Variants in SIPA1L1 observed in about 807,000 individuals in gnomAD.
The protein encoded by SIPA1L1 is signal-induced proliferation-associated 1-like protein 1.
Under a neutral mutation model 162.7 loss-of-function variants are expected in SIPA1L1, and 26 were observed. That is an observed-to-expected ratio of 0.16 (90% CI 0.12 to 0.22). SIPA1L1 has a LOEUF of 0.22. Among genes scored for constraint, SIPA1L1 ranks in the 10% least tolerant of loss-of-function variants. The pLI is 1.00. For synonymous variants in SIPA1L1, 829 were observed against 837.4 expected (o/e 0.99, Z 0.17); for missense variants, 1,874 against 2,241.0 (o/e 0.84, Z 3.31).
At chr14:71,378,478 T>C (rs1319506742) in intron 2 of SIPA1L1, among the ~76,000 whole-genome samples, 4 of 152,222 alleles carry the variant, frequency 2.6e-5, no homozygotes, top group Non-Finnish European at 5.9e-5. Context: ...AGATATCCTG[T>C]TATTGATTTC....
At chr14:71,520,313 T>C (rs1463650075) in intron 3 of SIPA1L1, among the ~76,000 whole-genome samples, 1 of 152,192 alleles carries the variant, frequency 6.6e-6, no homozygotes, top group African/African-American at 2.4e-5. Context: ...AGAATACAAA[T>C]CAAAATTGTT....
chr14:71,562,243 T>C (rs1330859089), intron 4 of SIPA1L1, among the ~76,000 whole-genome samples: 1 of 152,002 alleles, frequency 6.6e-6, no homozygotes, highest in Non-Finnish European at 1.5e-5. Context: ...CTTTTGTTTA[T>C]TTTTCCCTAA....
chr14:71,431,759 A>G (rs1567015439), intron 2 of SIPA1L1, among the ~76,000 whole-genome samples: 1 of 152,158 alleles, frequency 6.6e-6, no homozygotes, highest in South Asian at 2.1e-4. Flanking sequence ...AATCCTTAAC[A>G]TGAATGAACT....
At chr14:71,545,577 TTG>T (rs58582108) in intron 4 of SIPA1L1, among the ~76,000 whole-genome samples, 2,327 of 148,244 alleles carry the variant, frequency 0.016, 35 homozygotes, top group African/African-American at 0.036. Context: ...TAGTTCTAAT[TTG>T]TGTGTGTGTG....
intron 2 of SIPA1L1, among the ~76,000 whole-genome samples, chr14:71,381,349 G>GC (rs2039887052): frequency 6.6e-6 from 1 of 152,034 alleles, no homozygotes; most frequent in African/African-American, 2.4e-5. Flanking sequence ...ACCATGCCTG[G>GC]CCCCAATATG....
At chr14:71,491,663 T>C (rs896039646) in intron 2 of SIPA1L1, among the ~76,000 whole-genome samples, 1 of 151,704 alleles carries the variant, frequency 6.6e-6, no homozygotes, top group Non-Finnish European at 1.5e-5. Context: ...ACCCCACAAG[T>C]AGCTGGAACA....
intron 2 of SIPA1L1, among the ~76,000 whole-genome samples, chr14:71,354,427 G>A (rs899314470): frequency 2.6e-5 from 4 of 151,738 alleles, no homozygotes; most frequent in Admixed American, 6.6e-5. Context: ...ACAGGCGCCC[G>A]TCACCACACC....
intron 5 of SIPA1L1, among the ~76,000 whole-genome samples, chr14:71,599,027 T>C (rs1343114364): frequency 6.6e-6 from 1 of 152,176 alleles, no homozygotes; most frequent in Non-Finnish European, 1.5e-5. Context: ...TCAAGTCTTT[T>C]AGCTCCCACA....
chr14:71,615,232 A>G (rs1317773972), intron 5 of SIPA1L1, among the ~76,000 whole-genome samples: 1 of 152,200 alleles, frequency 6.6e-6, no homozygotes, highest in African/African-American at 2.4e-5. Context: ...TGAGCACCTG[A>G]AAGAGAAGTT....
At chr14:71,445,591 G>C (rs2141338627) in intron 2 of SIPA1L1, among the ~76,000 whole-genome samples, 1 of 152,230 alleles carries the variant, frequency 6.6e-6, no homozygotes, top group East Asian at 1.9e-4. Flanking sequence ...AAGTGCATAT[G>C]TACTATATGG....
intron 2 of SIPA1L1, among the ~76,000 whole-genome samples, chr14:71,489,910 T>C (rs180956067): frequency 2.0e-5 from 3 of 152,304 alleles, no homozygotes; most frequent in Admixed American, 6.5e-5. Context: ...GAAGTCAGTT[T>C]ATCATATGTT....
At chr14:71,738,217 TG>T in intron 22 of SIPA1L1, 23 bp from the exon 23 acceptor site, 1 of 1,277,768 alleles carries the variant, frequency 7.8e-7, no homozygotes, top group Non-Finnish European at 1.1e-6. Context: ...CCTGCCAACA[TG>T]GTCTTTTGTT....
At chr14:71,632,612 G>T (rs1596526489) in intron 7 of SIPA1L1, among the ~76,000 whole-genome samples, 1 of 152,190 alleles carries the variant, frequency 6.6e-6, no homozygotes, top group South Asian at 2.1e-4. Context: ...GAAGAGGCCT[G>T]GTGGAGAGTC....
chr14:71,700,323 T>C (rs2149804957), intron 14 of SIPA1L1, among the ~76,000 whole-genome samples: 1 of 152,136 alleles, frequency 6.6e-6, no homozygotes, highest in East Asian at 1.9e-4. Context: ...CCGTGGAGGC[T>C]GGGAATTTGA....
At chr14:71,376,043 A>G (rs988427486) in intron 2 of SIPA1L1, among the ~76,000 whole-genome samples, 11 of 152,262 alleles carry the variant, frequency 7.2e-5, no homozygotes, top group African/African-American at 2.4e-4. Flanking sequence ...GCATTATGCT[A>G]TCCTTATAAA....
chr14:71,330,641 A>G (rs965216164), intron 2 of SIPA1L1: 1 of 900,902 alleles, frequency 1.1e-6, no homozygotes, highest in East Asian at 2.4e-5. Flanking sequence ...AACTGGGTCA[A>G]CTCATTGTTG....
chr14:71,617,696 A>G (rs1312873076), intron 5 of SIPA1L1, among the ~76,000 whole-genome samples: 1 of 152,254 alleles, frequency 6.6e-6, no homozygotes, highest in Non-Finnish European at 1.5e-5. Flanking sequence ...TATGGAAATA[A>G]CATGTATTTT....
intron 2 of SIPA1L1, among the ~76,000 whole-genome samples, chr14:71,436,300 C>G (rs1267836343): frequency 6.6e-6 from 1 of 152,108 alleles, no homozygotes; most frequent in Non-Finnish European, 1.5e-5. Flanking sequence ...AGGTTTATTA[C>G]TATTCTACTT....
At chr14:71,694,506 C>T (rs991780776) in intron 13 of SIPA1L1, among the ~76,000 whole-genome samples, 2 of 151,904 alleles carry the variant, frequency 1.3e-5, no homozygotes, top group African/African-American at 4.8e-5. Context: ...AAAAAAAGCC[C>T]TGGTGTTTTA....
Sources: gnomAD v4.1 joint callset for allele counts (sites outside exome capture counted in the v4.1 genomes callset) on GRCh38, gnomAD v4.1.1 for gene constraint, MANE v1.5 for transcripts, NCBI Gene and HGNC (gene_info 2026-07-23, HGNC 2026-07-21) for gene names.